Variants in FTCDNL1 observed in about 807,000 individuals in gnomAD.
FTCDNL1 encodes the protein formiminotransferase cyclodeaminase N-terminal like.
A neutral mutation model predicts 5.9 loss-of-function variants in FTCDNL1; 11 were observed. That is an observed-to-expected ratio of 1.87 (90% CI 1.18 to 3.10). The LOEUF (loss-of-function observed/expected upper bound fraction) is 3.10. FTCDNL1 is among the 30% of genes most tolerant of loss of function. The probability of loss-of-function intolerance (pLI) is 0.00; values close to 1 mark genes in which losing one functional copy is unlikely to be tolerated. For missense variants in FTCDNL1, 115 were observed against 65.5 expected, an observed-to-expected ratio of 1.76 and a Z score of -2.61; for synonymous variants, 58 against 24.8, an observed-to-expected ratio of 2.34 and a Z score of -3.99.
At chr2:199,713,789 A>G in the FTCDNL1 span, among the ~76,000 whole-genome samples, 1 of 152,238 alleles carries the variant, frequency 6.6e-6, no homozygotes, top group Admixed American at 6.5e-5. Context: ...TAATCTGAAC[A>G]ATATGCCTTT....
At chr2:199,710,646 G>C in the FTCDNL1 span, among the ~76,000 whole-genome samples, 4 of 152,098 alleles carry the variant, frequency 2.6e-5, no homozygotes, top group Admixed American at 2.6e-4. Flanking sequence ...TTGAGATCTT[G>C]GTTTTAGTTC....
chr2:199,846,952 C>G (rs1229154451), intron 2 of FTCDNL1, among the ~76,000 whole-genome samples: 1 of 152,132 alleles, frequency 6.6e-6, no homozygotes, highest in South Asian at 2.1e-4. Flanking sequence ...GCTATTATAC[C>G]TTGTCTCCTT....
At chr2:199,709,705 G>A in the FTCDNL1 span, among the ~76,000 whole-genome samples, 716 of 152,240 alleles carry the variant, frequency 4.7e-3, 6 homozygotes, top group African/African-American at 0.016. Flanking sequence ...AATATTTTCA[G>A]TGAAATGGAG....
At chr2:199,724,914 C>G in the FTCDNL1 span, among the ~76,000 whole-genome samples, 35 of 151,864 alleles carry the variant, frequency 2.3e-4, no homozygotes, top group African/African-American at 8.0e-4. Context: ...TGATCCACAG[C>G]TGAGTTCAAG....
chr2:199,789,948 G>A (rs1275546564), intron 3 of FTCDNL1, among the ~76,000 whole-genome samples: 1 of 151,984 alleles, frequency 6.6e-6, no homozygotes, highest in South Asian at 2.1e-4. Context: ...CATAAAATAA[G>A]GTCTGGCAAG....
intron 3 of FTCDNL1, among the ~76,000 whole-genome samples, chr2:199,771,396 G>A (rs1356939838): frequency 1.3e-5 from 2 of 152,148 alleles, no homozygotes; most frequent in East Asian, 1.9e-4. Context: ...GCAGTATCCA[G>A]TTGACTCATG....
the FTCDNL1 span, among the ~76,000 whole-genome samples, chr2:199,737,559 T>C: frequency 6.6e-6 from 1 of 152,216 alleles, no homozygotes; most frequent in African/African-American, 2.4e-5. Context: ...ATAGTGGTGC[T>C]AAAATGACCA....
the FTCDNL1 span, among the ~76,000 whole-genome samples, chr2:199,717,233 G>A: frequency 1.3e-5 from 2 of 152,198 alleles, no homozygotes; most frequent in African/African-American, 4.8e-5. Flanking sequence ...ATATTGCCAT[G>A]TCGGGCATCA....
intron 3 of FTCDNL1, among the ~76,000 whole-genome samples, chr2:199,828,673 A>G (rs1702178741): frequency 6.6e-6 from 1 of 152,192 alleles, no homozygotes; most frequent in Non-Finnish European, 1.5e-5. Flanking sequence ...TATCAAATCT[A>G]ATAGACTTGT....
intron 3 of FTCDNL1, among the ~76,000 whole-genome samples, chr2:199,775,334 C>G (rs1699005653): frequency 6.6e-6 from 1 of 152,160 alleles, no homozygotes; most frequent in Non-Finnish European, 1.5e-5. Flanking sequence ...CAGCCAATCC[C>G]CCACAGACTT....
the FTCDNL1 span, among the ~76,000 whole-genome samples, chr2:199,703,051 T>C: frequency 4.6e-5 from 7 of 151,682 alleles, no homozygotes; most frequent in African/African-American, 1.7e-4. Flanking sequence ...TTTTTAATTT[T>C]ATTTAATTTT....
At chr2:199,819,339 T>C in intron 4 of FTCDNL1, 1 of 532,142 alleles carries the variant, frequency 1.9e-6, no homozygotes, top group Non-Finnish European at 3.4e-6. Flanking sequence ...TAATGATATA[T>C]CTTGAATATC....
At chr2:199,814,474 T>C (rs900971938) in intron 4 of FTCDNL1, among the ~76,000 whole-genome samples, 14 of 152,350 alleles carry the variant, frequency 9.2e-5, no homozygotes, top group South Asian at 2.1e-4. Flanking sequence ...CCTCATTCTA[T>C]TGCCTTTAAA....
intron 3 of FTCDNL1, among the ~76,000 whole-genome samples, chr2:199,792,135 G>A (rs1434468796): frequency 1.3e-5 from 2 of 151,962 alleles, no homozygotes; most frequent in South Asian, 2.1e-4. Flanking sequence ...GCAAATGGTG[G>A]GAGATGAAAT....
At chr2:199,825,247 G>T (rs142548673) in intron 3 of FTCDNL1, among the ~76,000 whole-genome samples, 1 of 152,130 alleles carries the variant, frequency 6.6e-6, no homozygotes, top group East Asian at 1.9e-4. Context: ...GTGAACACAC[G>T]CTGTTGGAAA....
intron 3 of FTCDNL1, among the ~76,000 whole-genome samples, chr2:199,839,738 C>T (rs1240238874): frequency 6.6e-6 from 1 of 152,140 alleles, no homozygotes; most frequent in Non-Finnish European, 1.5e-5. Context: ...ATAATGGTTT[C>T]AGAAGTCTCA....
In FTCDNL1 at chr2:199,850,867, G is replaced by C. The variant is rs2076859703; in HGVS notation, c.-135C>G. 1 of 152,214 alleles carries C rather than the reference G, an allele frequency of 6.6e-6. No homozygotes were observed. Among genetic ancestry groups the C allele is most frequent in the Non-Finnish European group, 1.5e-5 (1 of 68,066 alleles). 9.4% of individuals were successfully genotyped at this position (152,214 alleles called of 1,614,324 possible). A position where few individuals can be genotyped will look rare whatever the true frequency, so the allele number is the denominator to read the frequency against. On this transcript the variant is annotated 5_prime_UTR_variant, in exon 1 of 5. Transcript: ENST00000420128. ...CTGCGCGGTGCCGACTAGGTTCCTG[G>C]GTGGAGTGTCCCAGGACCACGTGGG...
chr2:199,691,041 A>G, the FTCDNL1 span, among the ~76,000 whole-genome samples: 12 of 152,372 alleles, frequency 7.9e-5, no homozygotes, highest in South Asian at 2.5e-3. Flanking sequence ...AATAAAAAAT[A>G]AAGAAGTTAT....
At chr2:199,683,410 A>G in the FTCDNL1 span, among the ~76,000 whole-genome samples, 1 of 152,204 alleles carries the variant, frequency 6.6e-6, no homozygotes, top group East Asian at 1.9e-4. Flanking sequence ...CTTGCTACTC[A>G]GTATTCATAT....
Sources: allele counts gnomAD v4.1 joint callset (sites outside exome capture counted in the v4.1 genomes callset), GRCh38; gene constraint gnomAD v4.1.1; transcripts MANE v1.5; gene names NCBI Gene and HGNC (gene_info 2026-07-23, HGNC 2026-07-21).